Variants in CRTAC1 observed in about 807,000 individuals in gnomAD.
The protein encoded by CRTAC1 is acidic secreted protein in cartilage.
A neutral mutation model predicts 67.8 loss-of-function variants in CRTAC1; 37 were observed. The observed-to-expected ratio is 0.55, with a 90% CI of 0.42 to 0.72. The LOEUF (loss-of-function observed/expected upper bound fraction) is 0.72, where lower values mean the gene tolerates loss of function less well. Among genes scored for constraint, CRTAC1 ranks in the 30% least tolerant of loss-of-function variants. The pLI is 0.00. For missense variants in CRTAC1, 780 were observed against 931.6 expected (o/e 0.84, Z 2.12); for synonymous variants, 348 against 371.0 (o/e 0.94, Z 0.71).
intron 2 of CRTAC1, among the ~76,000 whole-genome samples, chr10:97,956,367 C>T (rs565359005): frequency 8.5e-5 from 13 of 152,296 alleles, no homozygotes; most frequent in Admixed American, 8.5e-4. Context: ...CACTGAGTTA[C>T]AAAGTGACAG....
At chr10:97,984,906 T>C (rs2051955119) in intron 2 of CRTAC1, among the ~76,000 whole-genome samples, 2 of 152,246 alleles carry the variant, frequency 1.3e-5, no homozygotes, top group African/African-American at 4.8e-5. Context: ...CAGAACCTTC[T>C]GACAGCCTAG....
At chr10:98,008,608 G>C (rs1302015758) in intron 2 of CRTAC1, among the ~76,000 whole-genome samples, 1 of 152,188 alleles carries the variant, frequency 6.6e-6, no homozygotes, top group Non-Finnish European at 1.5e-5. Flanking sequence ...GCTCTGAAAG[G>C]CTTTCCATGC....
At chr10:97,879,150 G>C (rs536591136) in intron 14 of CRTAC1, among the ~76,000 whole-genome samples, 1 of 152,118 alleles carries the variant, frequency 6.6e-6, no homozygotes, top group African/African-American at 2.4e-5. Flanking sequence ...AGGCTGGAAG[G>C]CTTAGCAAGT....
In CRTAC1 at chr10:97,877,522, G is replaced by T. The variant is rs76443981; in HGVS notation, c.1819+2727C>A. ...GAGCCTAGCTCAGTACCTGCACATA[G>T]TAGTAGGGGATCAACACATATTACT... On this transcript the variant is annotated intron_variant, in intron 14 of 14. Coordinates refer to ENST00000370597, the MANE Select transcript of CRTAC1 (RefSeq NM_018058.7). 5.4e-3 allele frequency among the ~76,000 whole-genome samples: 818 copies of T among 152,322 alleles called. 22 individuals carry two copies. The highest frequency in any genetic ancestry group is 0.04 in the Admixed American group (614 of 15,296).
At chr10:98,004,890 C>A (rs1337922763) in intron 2 of CRTAC1, among the ~76,000 whole-genome samples, 1 of 151,228 alleles carries the variant, frequency 6.6e-6, no homozygotes, top group African/African-American at 2.4e-5. Context: ...CTCACACACT[C>A]TTTCTCCATA....
In CRTAC1 at chr10:97,865,490, A is replaced by G. The variant is rs1331079908; in HGVS notation, c.*58T>C. 6.4e-6 allele frequency: 10 copies of G among 1,554,784 alleles called. No homozygotes were observed. Among genetic ancestry groups the G allele is most frequent in the Admixed American group, 1.8e-5 (1 of 56,642 alleles). ...TCCCTACTGTCTAGGCAGCAGCACAAGCCCACTTTCCCACTCCCCTGCTGG... is the reference window on the plus strand; with the variant it reads ...TCCCTACTGTCTAGGCAGCAGCACAGGCCCACTTTCCCACTCCCCTGCTGG... On this transcript the variant is annotated 3_prime_UTR_variant, in exon 15 of 15. Transcript: ENST00000370597.
intron 13 of CRTAC1, among the ~76,000 whole-genome samples, chr10:97,881,351 T>C (rs1187314317): frequency 6.6e-6 from 1 of 152,202 alleles, no homozygotes; most frequent in African/African-American, 2.4e-5. Context: ...ATCCTTCTCA[T>C]CCTTCAGGTC....
At chr10:97,897,077 G>T in intron 8 of CRTAC1, 86 bp from the exon 9 acceptor site, 1 of 962,998 alleles carries the variant, frequency 1.0e-6, no homozygotes. Flanking sequence ...TGTCCCCTGA[G>T]CATCCCCGGG....
intron 2 of CRTAC1, among the ~76,000 whole-genome samples, chr10:98,003,360 T>C (rs1443312456): frequency 6.6e-6 from 1 of 152,188 alleles, no homozygotes; most frequent in Non-Finnish European, 1.5e-5. Flanking sequence ...AAGTCCAGCA[T>C]TGGTCCTGCT....
chr10:97,952,027 T>A (rs1377955810), intron 2 of CRTAC1, among the ~76,000 whole-genome samples: 3 of 152,284 alleles, frequency 2.0e-5, no homozygotes, highest in Non-Finnish European at 4.4e-5. Context: ...GTAGACCACC[T>A]ACAATGAAAA....
intron 5 of CRTAC1, among the ~76,000 whole-genome samples, chr10:97,910,694 C>CT (rs2050678326): frequency 2.0e-5 from 3 of 152,204 alleles, no homozygotes; most frequent in Non-Finnish European, 4.4e-5. Flanking sequence ...TGCCTCCCAT[C>CT]CTCTGAGAGA....
chr10:97,886,776 T>C (rs905956661), intron 11 of CRTAC1, among the ~76,000 whole-genome samples: 19 of 151,422 alleles, frequency 1.3e-4, no homozygotes, highest in African/African-American at 4.6e-4. Flanking sequence ...TCCTGAGTAG[T>C]TGGGATTACA....
intron 14 of CRTAC1, chr10:97,867,232 C>T (rs1242856558): frequency 2.6e-5 from 4 of 152,304 alleles, no homozygotes; most frequent in Non-Finnish European, 5.9e-5. Context: ...GGCAAACTCC[C>T]TCCTTGCAAG....
At chr10:98,012,385 C>G (rs906752753) in intron 1 of CRTAC1, among the ~76,000 whole-genome samples, 1 of 152,044 alleles carries the variant, frequency 6.6e-6, no homozygotes, top group Non-Finnish European at 1.5e-5. Context: ...ACCTGCAGGC[C>G]TAGAATCAGC....
At chr10:97,959,191 A>T (rs905143395) in intron 2 of CRTAC1, among the ~76,000 whole-genome samples, 1 of 152,182 alleles carries the variant, frequency 6.6e-6, no homozygotes, top group Admixed American at 6.5e-5. Flanking sequence ...CCTAGACTCA[A>T]TGATTCATTG....
chr10:97,905,135 C>T (rs1285618149), intron 6 of CRTAC1, among the ~76,000 whole-genome samples: 5 of 152,162 alleles, frequency 3.3e-5, no homozygotes, highest in African/African-American at 1.2e-4. Context: ...AAAGGCTCTT[C>T]CCGGCCACCC....
intron 11 of CRTAC1, among the ~76,000 whole-genome samples, chr10:97,886,898 G>C (rs1225501187): frequency 1.3e-5 from 2 of 151,698 alleles, no homozygotes; most frequent in South Asian, 2.1e-4. Context: ...ACCCACCTCA[G>C]CTTCTTAAAG....
chr10:97,948,331 C>A (rs1011486255), intron 2 of CRTAC1, among the ~76,000 whole-genome samples: 12 of 152,102 alleles, frequency 7.9e-5, no homozygotes, highest in Admixed American at 5.9e-4. Flanking sequence ...CCACTGATAA[C>A]CTTCAAGAAA....
intron 1 of CRTAC1, among the ~76,000 whole-genome samples, chr10:98,022,877 C>A (rs547062794): frequency 1.3e-5 from 2 of 152,264 alleles, no homozygotes; most frequent in South Asian, 4.2e-4. Context: ...TTTGAACATC[C>A]TGGGGCCAGG....
Sources: allele counts gnomAD v4.1 joint callset (sites outside exome capture counted in the v4.1 genomes callset), GRCh38; gene constraint gnomAD v4.1.1; transcripts MANE v1.5; gene names NCBI Gene and HGNC (gene_info 2026-07-23, HGNC 2026-07-21).